The following NECTIN2 variants were observed in gnomAD, a reference collection of about 807,000 sequenced individuals.
NECTIN2 encodes the protein nectin-2.
Under a neutral mutation model 56.9 loss-of-function variants are expected in NECTIN2, and 23 were observed. The ratio of observed to expected loss-of-function variants is 0.40; its 90% CI spans 0.29 to 0.57. The LOEUF (loss-of-function observed/expected upper bound fraction) is 0.57, where lower values mean the gene tolerates loss of function less well. NECTIN2 is among the 20% of genes least tolerant of loss of function. The pLI is 0.38. For missense variants in NECTIN2, 587 were observed against 718.3 expected (o/e 0.82, Z 2.09); for synonymous variants, 302 against 313.8 (o/e 0.96, Z 0.40).
intron 1 of NECTIN2, among the ~76,000 whole-genome samples, chr19:44,848,780 T>C (rs1179509407): frequency 6.6e-6 from 1 of 151,782 alleles, no homozygotes; most frequent in African/African-American, 2.4e-5. Context: ...CTCCAAGCTC[T>C]TTCTCTCTTC....
chr19:44,882,386 G>A (rs774433512), intron 6 of NECTIN2, 22 bp downstream of exon 6: 78 of 1,375,130 alleles, frequency 5.7e-5, no homozygotes, highest in African/African-American at 1.0e-4. Context: ...GCCCTGAGAC[G>A]GGGATGGGAG....
intron 1 of NECTIN2, among the ~76,000 whole-genome samples, chr19:44,861,356 G>C (rs1969029879): frequency 6.6e-6 from 1 of 152,198 alleles, no homozygotes; most frequent in South Asian, 2.1e-4. Context: ...TATGTTTATT[G>C]CAGCACTATC....
At chr19:44,857,899 G>C (rs1305229346) in intron 1 of NECTIN2, among the ~76,000 whole-genome samples, 1 of 152,120 alleles carries the variant, frequency 6.6e-6, no homozygotes, top group African/African-American at 2.4e-5. Context: ...TTGTTACCAA[G>C]AATTTACATT....
At chr19:44,882,436 G>A in intron 6 of NECTIN2, 72 bp downstream of exon 6, 1 of 1,265,442 alleles carries the variant, frequency 7.9e-7, no homozygotes, top group Non-Finnish European at 1.0e-6. Flanking sequence ...AGGGGTGAGG[G>A]TGGGAGAAAA....
chr19:44,848,589 C>T (rs1968864074), intron 1 of NECTIN2, among the ~76,000 whole-genome samples: 1 of 152,038 alleles, frequency 6.6e-6, no homozygotes, highest in Non-Finnish European at 1.5e-5. Context: ...AGCTGTCGGC[C>T]CCTTTCTTGA....
rs146855511 is a variant in NECTIN2 at position 44,865,408 on chromosome 19, C to G, written c.226C>G (p.Pro76Ala). Reference protein sequence around the residue: ...SLVTWQRPDAPANHQNVAAFH... With the variant: ...SLVTWQRPDAAANHQNVAAFH... ...GGTGACCTGGCAGCGCCCAGATGCACCTGCGAACCACCAGAATGTGGCCGC... is the reference window on the plus strand; with the variant it reads ...GGTGACCTGGCAGCGCCCAGATGCAGCTGCGAACCACCAGAATGTGGCCGC... Residue 76 changes from proline to alanine, a missense_variant, in exon 2 of 9, where the codon CCT (proline) becomes GCT (alanine). Transcript: ENST00000252483. This position sits in a 1 kb window ranked among gnomAD's most constrained non-coding sequence, Gnocchi z 5.2. 1.2e-6 allele frequency: 2 copies of G among 1,614,060 alleles called. No individual in the cohort carries two copies. Among genetic ancestry groups the G allele is most frequent in the Non-Finnish European group, 1.7e-6 (2 of 1,180,050 alleles).
intron 1 of NECTIN2, among the ~76,000 whole-genome samples, chr19:44,852,551 CTT>C (rs1968912791): frequency 6.8e-6 from 1 of 147,968 alleles, no homozygotes; most frequent in Non-Finnish European, 1.5e-5. Context: ...ACAGAAAAGA[CTT>C]GGGCTTGTTT....
At chr19:44,884,194 C>T (rs1969336561) in intron 6 of NECTIN2, among the ~76,000 whole-genome samples, 1 of 152,132 alleles carries the variant, frequency 6.6e-6, no homozygotes, top group Non-Finnish European at 1.5e-5. Flanking sequence ...CAGGATCTCA[C>T]TCTGTCCCTC....
chr19:44,863,008 A>AT (rs1438244218), intron 1 of NECTIN2, among the ~76,000 whole-genome samples: 1 of 150,416 alleles, frequency 6.6e-6, no homozygotes, highest in African/African-American at 2.4e-5. Flanking sequence ...AAAAAAAAAA[A>AT]AAAATTAGCC....
intron 1 of NECTIN2, among the ~76,000 whole-genome samples, chr19:44,858,778 G>A (rs1968999569): frequency 6.6e-6 from 1 of 151,900 alleles, no homozygotes; most frequent in Non-Finnish European, 1.5e-5. Flanking sequence ...GAGTAGCTGG[G>A]ATTACAGGTG....
intron 1 of NECTIN2, among the ~76,000 whole-genome samples, chr19:44,858,389 A>G (rs365653): frequency 0.15 from 23,500 of 151,744 alleles, 2,035 homozygotes; most frequent in African/African-American, 0.22. Context: ...TCTATCGCCC[A>G]TGTTGGAGTG....
At position 44,874,061 on chromosome 19, in the gene NECTIN2, G is replaced by C; in HGVS notation, c.893+28G>C. 6.4e-7 allele frequency: 1 copy of C among 1,556,778 alleles called. No individual in the cohort carries two copies. Among genetic ancestry groups the C allele is most frequent in the Non-Finnish European group, 8.8e-7 (1 of 1,130,634 alleles). ...GAGTCACGTGGTCTCAGAACCCTGG[G>C]TCTGAGGGAGGCGGGGCTGGGGGCC... On this transcript the variant is annotated intron_variant, in intron 4 of 8. Transcript: ENST00000252483. The surrounding 1 kb of genome is among the most constrained non-coding windows in gnomAD (Gnocchi z 6.3).
intron 1 of NECTIN2, among the ~76,000 whole-genome samples, chr19:44,860,843 G>A (rs909086427): frequency 5.9e-5 from 9 of 151,538 alleles, no homozygotes; most frequent in Non-Finnish European, 1.0e-4. Context: ...CACCCACCTC[G>A]GTCTCCCAAA....
chr19:44,873,819 C>G, intron 3 of NECTIN2, 97 bp from the exon 4 acceptor site: 2 of 905,134 alleles, frequency 2.2e-6, no homozygotes, highest in South Asian at 2.9e-5. Context: ...CTCCTGCCAA[C>G]CCGCCCCGTT....
At chr19:44,858,831 T>C (rs199650240) in intron 1 of NECTIN2, among the ~76,000 whole-genome samples, 4 of 150,738 alleles carry the variant, frequency 2.7e-5, no homozygotes, top group Admixed American at 6.6e-5. Flanking sequence ...TTAGTAGAGA[T>C]GGGGTTTTGC....
At chr19:44,860,673 A>G (rs1265314503) in intron 1 of NECTIN2, among the ~76,000 whole-genome samples, 2 of 151,650 alleles carry the variant, frequency 1.3e-5, no homozygotes, top group Non-Finnish European at 2.9e-5. Flanking sequence ...GTCTCACTTT[A>G]TCACCCAAGC....
At chr19:44,877,288 G>T (rs421812) in intron 5 of NECTIN2, among the ~76,000 whole-genome samples, 50,130 of 151,888 alleles carry the variant, frequency 0.33, 8,905 homozygotes, top group East Asian at 0.69. Context: ...TGCCTTGCAT[G>T]CAGGGATGGG....
At chr19:44,866,361 T>A (rs1464439897) in intron 2 of NECTIN2, among the ~76,000 whole-genome samples, 6 of 151,608 alleles carry the variant, frequency 4.0e-5, no homozygotes, top group Non-Finnish European at 8.8e-5. Flanking sequence ...GCTGTGATCA[T>A]GCCACTACAC....
At position 44,878,464 on chromosome 19, in the gene NECTIN2, T is replaced by C. The variant is rs79777075; in HGVS notation, c.1043-3747T>C. On this transcript the variant is annotated intron_variant, in intron 5 of 8. Transcript: ENST00000252483. Reference sequence around the variant, plus strand: ...CCGTCTTCTGGACACCAGTAGTCCCTGGTCCCATGGAACCAGATGGCAAGG... The same window carrying C: ...CCGTCTTCTGGACACCAGTAGTCCCCGGTCCCATGGAACCAGATGGCAAGG... 7,709 of 1,610,360 alleles carry C rather than the reference T, an allele frequency of 4.8e-3. 290 individuals are homozygous for C. In the African/African-American group the frequency reaches 0.088, roughly 18 times the overall value.
Sources: gnomAD v4.1 joint callset for allele counts (sites outside exome capture counted in the v4.1 genomes callset) on GRCh38, gnomAD v4.1.1 for gene constraint, Gnocchi (gnomAD v3.1) non-coding constraint, MANE v1.5 for transcripts, NCBI Gene and HGNC (gene_info 2026-07-23, HGNC 2026-07-21) for gene names.